The following ANHX variants were observed in gnomAD, a reference collection of about 807,000 sequenced individuals.
ANHX encodes the protein anomalous homeobox, also known as anomalous homeobox protein.
ANHX carries 20 observed loss-of-function variants against 38.9 expected under a neutral mutation model. The observed-to-expected ratio is 0.51, with a 90% CI of 0.36 to 0.75. The LOEUF is 0.75. Ranked by LOEUF, ANHX falls within the 30% of genes least tolerant of loss-of-function variation. The pLI is 0.00. For missense variants in ANHX, 475 were observed against 493.1 expected, an observed-to-expected ratio of 0.96 and a Z score of 0.35; for synonymous variants, 185 against 203.1, an observed-to-expected ratio of 0.91 and a Z score of 0.76.
intron 8 of ANHX, 55 bp from the exon 9 acceptor site, chr12:133,219,422 C>A: frequency 8.3e-7 from 1 of 1,206,234 alleles, no homozygotes; most frequent in Non-Finnish European, 1.1e-6. Flanking sequence ...ACTGGGGTGA[C>A]AAAATCCACC....
intron 3 of ANHX, among the ~76,000 whole-genome samples, chr12:133,230,566 C>T (rs1458032144): frequency 6.6e-6 from 1 of 152,138 alleles, no homozygotes; most frequent in Admixed American, 6.5e-5. Flanking sequence ...ATAAGGCTCC[C>T]CGGAGTTTGA....
intron 7 of ANHX, among the ~76,000 whole-genome samples, chr12:133,222,933 G>A (rs917587322): frequency 1.3e-5 from 2 of 152,362 alleles, no homozygotes; most frequent in Admixed American, 6.5e-5. Context: ...GCTCATGCCT[G>A]TAATCCCAGC....
chr12:133,225,372 G>C (rs142314919), intron 7 of ANHX, among the ~76,000 whole-genome samples, 164 bp downstream of exon 7: 1 of 152,270 alleles, frequency 6.6e-6, no homozygotes, highest in East Asian at 1.9e-4. Flanking sequence ...AATCTGGGAT[G>C]TTTGTGGGAA....
At position 133,218,882 on chromosome 12, in the gene ANHX, A is replaced by G. The variant is rs759392390; in HGVS notation, c.*3T>C. ...GGGGTGCTGTCTGGCTCCTGGGGAT[A>G]GCTCAGCCCAGGCTGCTCCCTGAAA... On this transcript the variant is annotated 3_prime_UTR_variant, in exon 10 of 10. Transcript: ENST00000545940. 54 of 1,506,082 alleles carry G rather than the reference A, an allele frequency of 3.6e-5. No individual in the cohort carries two copies. The highest frequency in any genetic ancestry group is 3.4e-4 in the South Asian group (28 of 81,620). 93.3% of individuals were successfully genotyped at this position (1,506,082 alleles called of 1,614,324 possible). A position where few individuals can be genotyped will look rare whatever the true frequency, so the allele number is the denominator to read the frequency against.
chr12:133,222,783 AATT>A (rs1454501861), intron 7 of ANHX, among the ~76,000 whole-genome samples: 2 of 152,208 alleles, frequency 1.3e-5, no homozygotes, highest in African/African-American at 2.4e-5. Flanking sequence ...CATTTAAAAA[AATT>A]ATTATTAGGA....
chr12:133,224,987 AAAAG>A (rs915608376), intron 7 of ANHX, among the ~76,000 whole-genome samples: 19 of 152,100 alleles, frequency 1.2e-4, no homozygotes, highest in African/African-American at 4.3e-4. Flanking sequence ...ACAAAAACAA[AAAAG>A]AAAGAAAGAA....
chr12:133,224,357 G>A lies in ANHX; in HGVS notation c.1132+1179C>T, dbSNP rs1369465122. ...AAGAGAAAAGATGTATATACCCATA[G>A]AATATTAAATATAGGTAAATTTGGC... On this transcript the variant is annotated intron_variant, in intron 7 of 9. Coordinates refer to ENST00000545940, the MANE Select transcript of ANHX (RefSeq NM_001372060.1). Among the ~76,000 whole-genome samples the A allele has an allele frequency of 2.0e-5, 3 of 152,182 alleles. No individual in the cohort carries two copies. In the East Asian group the frequency reaches 5.8e-4, roughly 29 times the overall value.
rs527587369 is a variant in ANHX, at chr12:133,219,890, C to T, written c.1281-523G>A. Among the ~76,000 whole-genome samples, 7 of 152,248 alleles carry T rather than the reference C, an allele frequency of 4.6e-5. No individual in the cohort carries two copies. In the South Asian group the frequency reaches 8.3e-4, roughly 18 times the overall value. On this transcript the variant is annotated intron_variant, in intron 8 of 9. Coordinates refer to ENST00000545940, the MANE Select transcript of ANHX (RefSeq NM_001372060.1). The stretch of plus-strand genomic sequence containing the variant: ...GGGTGAAGAAGCTGTGGCACATCCA[C>T]GCAATGGCACGTGGCTCCCCAGAGA...
At chr12:133,234,070 A>G (rs1467984895) in intron 2 of ANHX, 38 bp downstream of exon 2, 1 of 1,524,340 alleles carries the variant, frequency 6.6e-7, no homozygotes, top group South Asian at 1.2e-5. Flanking sequence ...AGAAGTTGCT[A>G]CCTCTCTCTG....
intron 2 of ANHX, 56 bp downstream of exon 2, chr12:133,234,052 C>T (rs1957325932): frequency 6.6e-7 from 1 of 1,509,438 alleles, no homozygotes; most frequent in South Asian, 1.2e-5. Context: ...TGGGTGGAGG[C>T]TGCCTAAAGA....
At chr12:133,233,310 GA>G (rs1471278293) in intron 2 of ANHX, among the ~76,000 whole-genome samples, 1 of 152,190 alleles carries the variant, frequency 6.6e-6, no homozygotes, top group African/African-American at 2.4e-5. Flanking sequence ...AGGTGGAGGG[GA>G]CAGGAGGACA....
intron 2 of ANHX, among the ~76,000 whole-genome samples, chr12:133,232,969 C>G (rs374981749): frequency 1.3e-5 from 2 of 151,786 alleles, no homozygotes; most frequent in Admixed American, 6.6e-5. Context: ...AAAGGGGTAA[C>G]GGGGGGGCAA....
chr12:133,222,778 A>T (rs1001268018), intron 7 of ANHX, among the ~76,000 whole-genome samples: 13 of 152,162 alleles, frequency 8.5e-5, no homozygotes, highest in African/African-American at 2.2e-4. Flanking sequence ...AAGCACATTT[A>T]AAAAAATTAT....
At chr12:133,223,214 C>A (rs1444380686) in intron 7 of ANHX, among the ~76,000 whole-genome samples, 1 of 151,196 alleles carries the variant, frequency 6.6e-6, no homozygotes, top group African/African-American at 2.4e-5. Flanking sequence ...ATATATATAA[C>A]TGTTAAAGCA....
chr12:133,224,920 T>TTG lies in ANHX; in HGVS notation c.1132+615_1132+616insCA, dbSNP rs1211002123. Among the ~76,000 whole-genome samples the TTG allele has an allele frequency of 1.6e-4, 22 of 140,364 alleles. No individual in the cohort carries two copies. The South Asian group carries it at 4.2e-3, about 27-fold the overall frequency. 92.1% of individuals were successfully genotyped at this position (140,364 alleles called of 152,430 possible). ...AGGAGGAGGTTGCAGTGAGCCGAGA[T>TTG]CACGCCACTGCACTCCAGCCTGGGT... is the stretch of plus-strand genomic sequence containing the variant. On this transcript the variant is annotated intron_variant, in intron 7 of 9. Transcript: ENST00000545940.
chr12:133,234,556 T>A, intron 1 of ANHX, 178 bp from the exon 2 acceptor site: 1 of 676,664 alleles, frequency 1.5e-6, no homozygotes, highest in South Asian at 1.9e-5. Flanking sequence ...ATACACCCTC[T>A]AGAATTTCCT....
intron 7 of ANHX, among the ~76,000 whole-genome samples, chr12:133,224,753 C>T (rs1435507002): frequency 6.7e-6 from 1 of 150,104 alleles, no homozygotes; most frequent in Non-Finnish European, 1.5e-5. Context: ...ATCATGAGGT[C>T]AGGAGATCAA....
intron 7 of ANHX, among the ~76,000 whole-genome samples, chr12:133,222,245 A>G (rs1388653840): frequency 1.3e-5 from 2 of 152,184 alleles, no homozygotes; most frequent in Non-Finnish European, 2.9e-5. Context: ...TAGATTACGC[A>G]TTCTCTTTCC....
chr12:133,222,472 C>T (rs1209836036), intron 7 of ANHX, among the ~76,000 whole-genome samples: 1 of 152,120 alleles, frequency 6.6e-6, no homozygotes, highest in East Asian at 1.9e-4. Flanking sequence ...TTCGCTGATT[C>T]CCACAGAACA....
Sources: gnomAD v4.1 joint callset for allele counts (sites outside exome capture counted in the v4.1 genomes callset) on GRCh38, gnomAD v4.1.1 for gene constraint, MANE v1.5 for transcripts, NCBI Gene and HGNC (gene_info 2026-07-23, HGNC 2026-07-21) for gene names.